TBC1D9: variants seen among roughly 807,000 people sequenced by gnomAD.
TBC1D9 encodes the protein TBC1 domain family member 9A.
In TBC1D9, 63 loss-of-function variants were observed where a neutral mutation model predicts 132.0. The ratio of observed to expected loss-of-function variants is 0.48; its 90% CI spans 0.39 to 0.59. The LOEUF (loss-of-function observed/expected upper bound fraction) is 0.59. Ranked by LOEUF, TBC1D9 falls within the 20% of genes least tolerant of loss-of-function variation. The pLI, the probability that TBC1D9 is intolerant of heterozygous loss-of-function variation, is 0.00. For missense variants in TBC1D9, 1,261 were observed against 1,592.7 expected (o/e 0.79, Z 3.54); for synonymous variants, 610 against 609.9 (o/e 1.00, Z 0.00).
At chr4:140,725,742 C>T (rs1306186036) in intron 1 of TBC1D9, among the ~76,000 whole-genome samples, 2 of 151,826 alleles carry the variant, frequency 1.3e-5, no homozygotes, top group African/African-American at 4.8e-5. Context: ...GGCAATTGTT[C>T]ACTGAAAAAA....
At chr4:140,754,841 C>T (rs975577078) in intron 1 of TBC1D9, among the ~76,000 whole-genome samples, 1 of 151,904 alleles carries the variant, frequency 6.6e-6, no homozygotes, top group Admixed American at 6.6e-5. Flanking sequence ...ATACATTGTA[C>T]CACATGACAC....
At chr4:140,702,999 C>T (rs1180493476) in intron 1 of TBC1D9, among the ~76,000 whole-genome samples, 1 of 152,048 alleles carries the variant, frequency 6.6e-6, no homozygotes, top group East Asian at 1.9e-4. Flanking sequence ...TTTTTGAAGA[C>T]TGAAGGTAAT....
intron 3 of TBC1D9, 87 bp from the exon 4 acceptor site, chr4:140,679,930 AG>A: frequency 8.5e-7 from 1 of 1,174,822 alleles, no homozygotes; most frequent in South Asian, 1.8e-5. Flanking sequence ...TTCTAAGGCT[AG>A]AATTAAAAAA....
intron 1 of TBC1D9, among the ~76,000 whole-genome samples, chr4:140,708,489 C>A (rs905901579): frequency 1.3e-5 from 2 of 152,138 alleles, no homozygotes; most frequent in Non-Finnish European, 2.9e-5. Context: ...TGTCAATAAA[C>A]AAGAAAATTC....
chr4:140,709,246 T>TCACACACACACACA (rs1177824383), intron 1 of TBC1D9, among the ~76,000 whole-genome samples: 15 of 102,380 alleles, frequency 1.5e-4, no homozygotes, highest in African/African-American at 6.4e-4. Flanking sequence ...TCTCTCTCTC[T>TCACACACACACACA]CTCACACACA....
chr4:140,639,569 C>G (rs767384846), intron 13 of TBC1D9, 141 bp from the exon 14 acceptor site: 27 of 615,734 alleles, frequency 4.4e-5, no homozygotes, highest in Non-Finnish European at 7.4e-5. Context: ...ACACCTTTAG[C>G]TACTGTTTTA....
At chr4:140,726,699 A>C (rs1249413983) in intron 1 of TBC1D9, among the ~76,000 whole-genome samples, 1 of 152,228 alleles carries the variant, frequency 6.6e-6, no homozygotes, top group African/African-American at 2.4e-5. Context: ...GTGCAAGATG[A>C]GATTGTTTTG....
intron 13 of TBC1D9, chr4:140,643,703 T>C (rs1259406891): frequency 8.3e-7 from 1 of 1,199,660 alleles, no homozygotes; most frequent in South Asian, 1.5e-5. Context: ...CCAGGTCCAA[T>C]GCGGCCGTGC....
rs969367676 is a variant in TBC1D9, at chr4:140,679,822, T to G, written c.382A>C (p.Lys128Gln). 3.7e-6 allele frequency: 6 copies of G among 1,613,046 alleles called. No homozygotes were observed. The African/African-American group carries it at 5.3e-5, about 14-fold the overall frequency. ...TCATCTTCCTTTACATCATTGATTT[T>G]GTTGTATTCTGCAATGATGCCCTAA... ...KIQGIIAEYN[K>Q]INDVKEDDDT... The change falls in exon 4 of 21, where the codon AAA becomes CAA. Residue 128 changes from lysine to glutamine, a missense_variant. Lys to Gln is a moderately conservative substitution (Grantham distance 53). Coordinates refer to ENST00000442267, the MANE Select transcript of TBC1D9 (RefSeq NM_015130.3).
intron 13 of TBC1D9, among the ~76,000 whole-genome samples, chr4:140,652,855 T>C (rs1737208453): frequency 6.6e-6 from 1 of 152,212 alleles, no homozygotes; most frequent in Non-Finnish European, 1.5e-5. Context: ...GCCTTCTGTT[T>C]TATTAGCCAC....
rs112792859 is a variant in TBC1D9 at position 140,683,052 on chromosome 4, A to G, written c.361-3209T>C. 3.2e-3 allele frequency among the ~76,000 whole-genome samples: 487 copies of G among 151,938 alleles called. 4 individuals are homozygous for G. The highest frequency in any genetic ancestry group is 2.7e-3 in the Non-Finnish European group (186 of 67,934). On this transcript the variant is annotated intron_variant, in intron 3 of 20. Transcript: ENST00000442267. Reference sequence around the variant, plus strand: ...CAGGCATGCACCACCACGCCTGGCTAATTTTTTTGTATTTTTGATTTCTGC... The same window carrying G: ...CAGGCATGCACCACCACGCCTGGCTGATTTTTTTGTATTTTTGATTTCTGC...
chr4:140,708,463 C>T (rs1221871426), intron 1 of TBC1D9, among the ~76,000 whole-genome samples: 2 of 152,172 alleles, frequency 1.3e-5, no homozygotes, highest in Non-Finnish European at 2.9e-5. Context: ...AGTCTCTATT[C>T]TCCTACTTTG....
In TBC1D9 at chr4:140,625,857, A is replaced by C. The variant is rs558992229; in HGVS notation, c.2900-1469T>G. Among the ~76,000 whole-genome samples, 23 of 152,328 alleles carry C rather than the reference A, an allele frequency of 1.5e-4. 1 individual carries two copies. The South Asian group carries it at 3.1e-3, about 21-fold the overall frequency. On this transcript the variant is annotated intron_variant, in intron 18 of 20. Coordinates refer to ENST00000442267, the MANE Select transcript of TBC1D9 (RefSeq NM_015130.3). Reference sequence around the variant, plus strand: ...TGTATGTGTACAATTTGAATAAAAAACTGAAATATTTCAAGGTGAATTATT... The same window carrying C: ...TGTATGTGTACAATTTGAATAAAAACCTGAAATATTTCAAGGTGAATTATT...
chr4:140,725,831 C>T (rs939295807), intron 1 of TBC1D9, among the ~76,000 whole-genome samples: 2 of 152,040 alleles, frequency 1.3e-5, no homozygotes, highest in Admixed American at 6.6e-5. Flanking sequence ...TTTGCTTGTA[C>T]ATGCAAAAAG....
chr4:140,742,010 G>C (rs1738765754), intron 1 of TBC1D9, among the ~76,000 whole-genome samples: 1 of 152,178 alleles, frequency 6.6e-6, no homozygotes, highest in South Asian at 2.1e-4. Context: ...ACGTCTGCCT[G>C]TAACTTGTGC....
Position 140,718,540 on chromosome 4 carries a change from A to T in TBC1D9, c.131-16926T>A, listed in dbSNP as rs113523317. Among the ~76,000 whole-genome samples the T allele has an allele frequency of 2.9e-3, 448 of 152,308 alleles. 4 individuals carry two copies. Among genetic ancestry groups the T allele is most frequent in the Admixed American group, 4.4e-3 (68 of 15,302 alleles). ...ACAGTCCAATGAATAAGCAACAACA[A>T]TGACTGAACATTTTCACAACGAACA... is the stretch of plus-strand genomic sequence containing the variant. On this transcript the variant is annotated intron_variant, in intron 1 of 20. Coordinates refer to ENST00000442267, the MANE Select transcript of TBC1D9 (RefSeq NM_015130.3).
At chr4:140,634,550 T>C (rs1465290009) in intron 15 of TBC1D9, among the ~76,000 whole-genome samples, 1 of 152,150 alleles carries the variant, frequency 6.6e-6, no homozygotes, top group Non-Finnish European at 1.5e-5. Context: ...TTAGCTTAAA[T>C]AGAATGCTAC....
intron 15 of TBC1D9, among the ~76,000 whole-genome samples, chr4:140,635,021 C>T (rs1340420985): frequency 6.6e-6 from 1 of 152,196 alleles, no homozygotes; most frequent in African/African-American, 2.4e-5. Context: ...CTAGAAAGTT[C>T]TGAAAGAACA....
At chr4:140,630,942 A>C (rs1294212359) in intron 16 of TBC1D9, among the ~76,000 whole-genome samples, 1 of 152,220 alleles carries the variant, frequency 6.6e-6, no homozygotes, top group Non-Finnish European at 1.5e-5. Context: ...CGTGCAAATA[A>C]GGATGCAACT....
Sources: allele counts gnomAD v4.1 joint callset (sites outside exome capture counted in the v4.1 genomes callset), GRCh38; gene constraint gnomAD v4.1.1; transcripts MANE v1.5; gene names NCBI Gene and HGNC (gene_info 2026-07-23, HGNC 2026-07-21).